TRMU: variants seen among roughly 807,000 people sequenced by gnomAD.
The protein encoded by TRMU is tRNA mitochondrial 2-thiouridylase.
Under a neutral mutation model 46.9 loss-of-function variants are expected in TRMU, and 49 were observed. The observed-to-expected ratio is 1.05, with a 90% confidence interval of 0.83 to 1.33. The LOEUF (loss-of-function observed/expected upper bound fraction) is 1.33. Ranked by LOEUF, TRMU falls within the 40% of genes most tolerant of loss-of-function variation. The pLI is 0.00. For synonymous variants in TRMU, 241 were observed against 200.9 expected (o/e 1.20, Z -1.69); for missense variants, 572 against 532.4 (o/e 1.07, Z -0.73).
In TRMU at chr22:46,350,144, T is replaced by G; in HGVS notation, c.479-147T>G. On this transcript the variant is annotated intron_variant, in intron 4 of 10. Coordinates refer to ENST00000645190, the MANE Select transcript of TRMU (RefSeq NM_018006.5). This position sits in a 1 kb window ranked among gnomAD's most constrained non-coding sequence, Gnocchi z 4.6. The stretch of plus-strand genomic sequence containing the variant: ...TTTTTCTTACATTAACCCGTGGTGG[T>G]CTTTTCCCTAGTAGTTGCTATTGAG... 1 of 844,404 alleles carries G rather than the reference T, an allele frequency of 1.2e-6. No homozygotes were observed. Among genetic ancestry groups the G allele is most frequent in the Non-Finnish European group, 1.8e-6 (1 of 541,892 alleles). 52.3% of individuals were successfully genotyped at this position (844,404 alleles called of 1,614,324 possible).
At chr22:46,340,594 C>T (rs2078097112) in intron 2 of TRMU, among the ~76,000 whole-genome samples, 1 of 143,038 alleles carries the variant, frequency 7.0e-6, no homozygotes, top group Non-Finnish European at 1.5e-5. Flanking sequence ...GATTAAACCC[C>T]AGAATTAGGA....
chr22:46,337,074 T>C (rs2077997430), intron 1 of TRMU, among the ~76,000 whole-genome samples: 1 of 152,188 alleles, frequency 6.6e-6, no homozygotes, highest in Admixed American at 6.5e-5. Flanking sequence ...GGGTGGTCTT[T>C]CGCGTGTGGT....
chr22:46,356,657 A>T, intron 10 of TRMU, 185 bp from the exon 11 acceptor site: 1 of 669,934 alleles, frequency 1.5e-6, no homozygotes, highest in Non-Finnish European at 2.5e-6. Flanking sequence ...TAGTGAAGCC[A>T]CTGGGTGCCC....
intron 7 of TRMU, 112 bp downstream of exon 7, chr22:46,352,442 G>T: frequency 1.5e-6 from 2 of 1,370,756 alleles, no homozygotes; most frequent in East Asian, 2.3e-5. Flanking sequence ...CTGGAGAATT[G>T]TAGAAGGCTC....
intron 8 of TRMU, 57 bp from the exon 9 acceptor site, chr22:46,355,387 G>T: frequency 6.3e-7 from 1 of 1,596,544 alleles, no homozygotes; most frequent in Non-Finnish European, 8.5e-7. Flanking sequence ...CCACACTGAG[G>T]CCGGCCTTGG....
chr22:46,338,625 G>C lies in TRMU; in HGVS notation c.248+681G>C, dbSNP rs1051526668. On this transcript the variant is annotated intron_variant, in intron 2 of 10. Coordinates refer to ENST00000645190, the MANE Select transcript of TRMU (RefSeq NM_018006.5). This position sits in a 1 kb window ranked among gnomAD's most constrained non-coding sequence, Gnocchi z 4.5. ...TCAAGAAGGCTTCACCGGAGAGGAG[G>C]GGTTGCAAACAAAGTTGTAGAGAAG... Among the ~76,000 whole-genome samples the C allele has an allele frequency of 6.6e-6, 1 of 152,250 alleles. No individual in the cohort carries two copies. The highest frequency in any genetic ancestry group is 2.1e-4 in the South Asian group (1 of 4,834).
chr22:46,343,910 G>A (rs904812742), intron 3 of TRMU, among the ~76,000 whole-genome samples: 6 of 151,866 alleles, frequency 4.0e-5, no homozygotes, highest in East Asian at 1.9e-4. Context: ...CAGTAGTGTC[G>A]GCACTTTCAG....
In TRMU at chr22:46,339,897, T is replaced by C. The variant is rs984030137; in HGVS notation, c.248+1953T>C. Among the ~76,000 whole-genome samples the C allele has an allele frequency of 1.3e-5, 2 of 151,446 alleles. No individual in the cohort carries two copies. The highest frequency in any genetic ancestry group is 2.9e-5 in the Non-Finnish European group (2 of 67,896). On this transcript the variant is annotated intron_variant, in intron 2 of 10. Coordinates refer to ENST00000645190, the MANE Select transcript of TRMU (RefSeq NM_018006.5). This position sits in a 1 kb window ranked among gnomAD's most constrained non-coding sequence, Gnocchi z 4.8. ...AAAAACTTATCTGTAGAATGCATGA[T>C]AAATGCATTAAAAACTTCTGCAGTT...
chr22:46,345,637 T>G (rs1415875558), intron 3 of TRMU, among the ~76,000 whole-genome samples: 1 of 152,216 alleles, frequency 6.6e-6, no homozygotes, highest in Non-Finnish European at 1.5e-5. Flanking sequence ...TGGTGTTACA[T>G]CCTCGCCCTG....
intron 4 of TRMU, 124 bp downstream of exon 4, chr22:46,346,668 T>C: frequency 8.3e-7 from 1 of 1,201,088 alleles, no homozygotes; most frequent in Non-Finnish European, 1.2e-6. Flanking sequence ...GAGTAGCTTG[T>C]ATGGGATTCA....
chr22:46,339,310 C>T lies in TRMU; in HGVS notation c.248+1366C>T, dbSNP rs530431017. 3.2e-4 allele frequency among the ~76,000 whole-genome samples: 48 copies of T among 152,180 alleles called. No individual in the cohort carries two copies. The highest frequency in any genetic ancestry group is 8.7e-4 in the African/African-American group (36 of 41,522). On this transcript the variant is annotated intron_variant, in intron 2 of 10. Transcript: ENST00000645190. The surrounding 1 kb of genome is among the most constrained non-coding windows in gnomAD (Gnocchi z 4.8). ...GATTATAGGCATGCACCACCACGCC[C>T]GGATAATTTTTGTATTTTTAGTAGA...
rs375789749 is a variant in TRMU at position 46,355,097 on chromosome 22, C to T, written c.874-347C>T. The T allele has an allele frequency of 1.2e-3, 482 of 401,632 alleles. 4 individuals are homozygous for T. The highest frequency in any genetic ancestry group is 2.0e-3 in the Non-Finnish European group (427 of 216,202). 24.9% of individuals were successfully genotyped at this position (401,632 alleles called of 1,614,324 possible). ...CCCTGCGAATAGAAAAACCAGTCCT[C>T]GAGGGGGGCCGTGCTGCTGCCCCAC... On this transcript the variant is annotated intron_variant, in intron 8 of 10. Coordinates refer to ENST00000645190, the MANE Select transcript of TRMU (RefSeq NM_018006.5).
Position 46,356,822 on chromosome 22 carries a change from C to G in TRMU, c.1102-20C>G, listed in dbSNP as rs750322364. ...CTGGCTCCCTGTGGCACCCCTGATG[C>G]CAGGGTCTCTCCCCTACAGTTTGCT... is the stretch of plus-strand genomic sequence containing the variant. On this transcript the variant is annotated intron_variant, in intron 10 of 10. Coordinates refer to ENST00000645190, the MANE Select transcript of TRMU (RefSeq NM_018006.5). 131 of 1,612,198 alleles carry G rather than the reference C, an allele frequency of 8.1e-5. No homozygotes were observed. Among genetic ancestry groups the G allele is most frequent in the Non-Finnish European group, 1.0e-4 (123 of 1,179,282 alleles).
rs111617516 is a variant in TRMU at position 46,351,461 on chromosome 22, C to T, written c.652-660C>T. 7.0e-6 allele frequency among the ~76,000 whole-genome samples: 1 copy of T among 142,918 alleles called. No homozygotes were observed. Among genetic ancestry groups the T allele is most frequent in the African/African-American group, 3.0e-5 (1 of 32,792 alleles). The allele number at this position is 142,918 out of a possible 152,430, so 93.8% of individuals were successfully genotyped here. A position where few individuals can be genotyped will look rare whatever the true frequency, so the allele number is the denominator to read the frequency against. ...GGTGGGAGCTGTTGCTCCTTCGTGT[C>T]TCTTCCTGGTAATGGAAACGGCCAT... On this transcript the variant is annotated intron_variant, in intron 5 of 10. Transcript: ENST00000645190. The surrounding 1 kb of genome is among the most constrained non-coding windows in gnomAD (Gnocchi z 6.4).
chr22:46,351,920 T>C lies in TRMU; in HGVS notation c.652-201T>C, dbSNP rs1285132573. The C allele has an allele frequency of 1.4e-6, 1 of 716,710 alleles. No homozygotes were observed. The highest frequency in any genetic ancestry group is 2.5e-6 in the Non-Finnish European group (1 of 396,272). The allele number at this position is 716,710 out of a possible 1,614,324, so 44.4% of individuals were successfully genotyped here. A position where few individuals can be genotyped will look rare whatever the true frequency, so the allele number is the denominator to read the frequency against. On this transcript the variant is annotated intron_variant, in intron 5 of 10. Coordinates refer to ENST00000645190, the MANE Select transcript of TRMU (RefSeq NM_018006.5). This position sits in a 1 kb window ranked among gnomAD's most constrained non-coding sequence, Gnocchi z 6.4. ...GGTCAGACCCCGCGGGCCGAGACAATGAGGCGTTCTCTAAGGCTCTGGCAT... is the reference window on the plus strand; with the variant it reads ...GGTCAGACCCCGCGGGCCGAGACAACGAGGCGTTCTCTAAGGCTCTGGCAT...
rs2078307447 is a variant in TRMU at position 46,348,131 on chromosome 22, T to G, written c.478+1587T>G. On this transcript the variant is annotated intron_variant, in intron 4 of 10. Transcript: ENST00000645190. This position sits in a 1 kb window ranked among gnomAD's most constrained non-coding sequence, Gnocchi z 4.8. ...GGGTTGGAATGCAGAGTCCTGCCAC[T>G]TGGGAACTCCAGGGTGGAATTCACC... Among the ~76,000 whole-genome samples, 1 of 152,154 alleles carries G rather than the reference T, an allele frequency of 6.6e-6. No individual in the cohort carries two copies. Among genetic ancestry groups the G allele is most frequent in the Admixed American group, 6.5e-5 (1 of 15,282 alleles).
intron 3 of TRMU, among the ~76,000 whole-genome samples, chr22:46,343,873 A>G (rs1198298748): frequency 6.6e-6 from 1 of 152,068 alleles, no homozygotes; most frequent in Non-Finnish European, 1.5e-5. Flanking sequence ...GTGTGTTGCT[A>G]CGAGATACCA....
In TRMU at chr22:46,350,162, C is replaced by T. The variant is rs1015810966; in HGVS notation, c.479-129C>T. The T allele has an allele frequency of 6.8e-5, 71 of 1,039,880 alleles. No individual in the cohort carries two copies. Among genetic ancestry groups the T allele is most frequent in the Non-Finnish European group, 9.2e-5 (64 of 692,920 alleles). 64.4% of individuals were successfully genotyped at this position (1,039,880 alleles called of 1,614,324 possible). A position where few individuals can be genotyped will look rare whatever the true frequency, so the allele number is the denominator to read the frequency against. On this transcript the variant is annotated intron_variant, in intron 4 of 10. Coordinates refer to ENST00000645190, the MANE Select transcript of TRMU (RefSeq NM_018006.5). The surrounding 1 kb of genome is among the most constrained non-coding windows in gnomAD (Gnocchi z 4.6). The stretch of plus-strand genomic sequence containing the variant: ...GTGGTGGTCTTTTCCCTAGTAGTTG[C>T]TATTGAGTGTTGATGTCTGCCTCTG...
Position 46,336,115 on chromosome 22 carries a change from C to G in TRMU, c.82+269C>G. ...ACGCGCGCCCACCCACAGTGAGAAG[C>G]CGGCGGGCCGGGGTGGGGTGGGGAG... On this transcript the variant is annotated intron_variant, in intron 1 of 10. Transcript: ENST00000645190. This position sits in a 1 kb window ranked among gnomAD's most constrained non-coding sequence, Gnocchi z 4.1. 7.4e-7 allele frequency: 1 copy of G among 1,344,990 alleles called. No homozygotes were observed. Among genetic ancestry groups the G allele is most frequent in the South Asian group, 1.6e-5 (1 of 60,778 alleles). The allele number at this position is 1,344,990 out of a possible 1,614,324, so 83.3% of individuals were successfully genotyped here.
Sources: gnomAD v4.1 joint callset for allele counts (sites outside exome capture counted in the v4.1 genomes callset) on GRCh38, gnomAD v4.1.1 for gene constraint, Gnocchi (gnomAD v3.1) non-coding constraint, MANE v1.5 for transcripts, NCBI Gene and HGNC (gene_info 2026-07-23, HGNC 2026-07-21) for gene names.